Variants in ZRANB3 observed in about 807,000 individuals in gnomAD.
ZRANB3 encodes the protein DNA annealing helicase and endonuclease ZRANB3.
In ZRANB3, 125 loss-of-function variants were observed where a neutral mutation model predicts 133.8. The ratio of observed to expected loss-of-function variants is 0.93; its 90% CI spans 0.81 to 1.08. The LOEUF (loss-of-function observed/expected upper bound fraction) is 1.08, where lower values mean the gene tolerates loss of function less well. Among genes scored for constraint, ZRANB3 ranks in the 50% least tolerant of loss-of-function variants. The pLI is 0.00. For synonymous variants in ZRANB3, 387 were observed against 432.7 expected (o/e 0.89, Z 1.31); for missense variants, 1,229 against 1,275.5 (o/e 0.96, Z 0.56).
At chr2:135,401,009 G>T (rs1250437042) in intron 2 of ZRANB3, among the ~76,000 whole-genome samples, 3 of 152,026 alleles carry the variant, frequency 2.0e-5, no homozygotes, top group Non-Finnish European at 4.4e-5. Context: ...TTAAAATCAG[G>T]CCTATGTATA....
At chr2:135,506,903 T>A (rs927762136) in intron 1 of ZRANB3, among the ~76,000 whole-genome samples, 1 of 152,192 alleles carries the variant, frequency 6.6e-6, no homozygotes, top group Non-Finnish European at 1.5e-5. Flanking sequence ...GTCAGTTCTG[T>A]CTGAATAAGG....
At chr2:135,387,837 G>A (rs1280611679) in intron 3 of ZRANB3, among the ~76,000 whole-genome samples, 4 of 152,190 alleles carry the variant, frequency 2.6e-5, no homozygotes, top group Non-Finnish European at 5.9e-5. Flanking sequence ...TCAGCCAAAT[G>A]TGAAAAGTGC....
chr2:135,373,322 A>T (rs1473230643), intron 3 of ZRANB3, among the ~76,000 whole-genome samples: 1 of 152,206 alleles, frequency 6.6e-6, no homozygotes, highest in Non-Finnish European at 1.5e-5. Context: ...CTACAGCAGA[A>T]GTGAGAGCAG....
chr2:135,466,382 C>CAAAAAAAAAAAAA (rs553890734), intron 2 of ZRANB3, among the ~76,000 whole-genome samples: 2 of 28,212 alleles, frequency 7.1e-5, no homozygotes, highest in Non-Finnish European at 1.3e-4. Context: ...GACTCCGTCA[C>CAAAAAAAAAAAAA]AAAAAAAAAA....
intron 2 of ZRANB3, among the ~76,000 whole-genome samples, chr2:135,446,560 A>AT (rs1368951387): frequency 6.6e-6 from 1 of 152,254 alleles, no homozygotes; most frequent in Non-Finnish European, 1.5e-5. Flanking sequence ...TCCAACCACC[A>AT]TTAGAAGTAC....
intron 7 of ZRANB3, among the ~76,000 whole-genome samples, 172 bp from the exon 8 acceptor site, chr2:135,313,777 C>G (rs1190230556): frequency 9.2e-5 from 14 of 152,162 alleles, no homozygotes; most frequent in Non-Finnish European, 2.1e-4. Flanking sequence ...AGAGGTAGGT[C>G]AGTCACATTT....
intron 12 of ZRANB3, among the ~76,000 whole-genome samples, chr2:135,252,179 A>G (rs1046179762): frequency 2.6e-5 from 4 of 152,204 alleles, no homozygotes; most frequent in African/African-American, 7.2e-5. Flanking sequence ...AACAACAGAT[A>G]CTAGGGTCTA....
chr2:135,359,796 G>A (rs1029985541), intron 3 of ZRANB3, among the ~76,000 whole-genome samples: 16 of 152,040 alleles, frequency 1.1e-4, no homozygotes, highest in East Asian at 7.7e-4. Flanking sequence ...TTAGTTTAAA[G>A]ATTATGTAGT....
chr2:135,368,352 GA>G (rs896882412), intron 3 of ZRANB3, among the ~76,000 whole-genome samples: 1 of 151,884 alleles, frequency 6.6e-6, no homozygotes, highest in African/African-American at 2.4e-5. Context: ...AATAAATAAT[GA>G]AAGTTAGTTT....
chr2:135,372,697 G>A (rs1386952310), intron 3 of ZRANB3, among the ~76,000 whole-genome samples: 1 of 150,774 alleles, frequency 6.6e-6, no homozygotes, highest in Non-Finnish European at 1.5e-5. Flanking sequence ...TGAGGCAGGA[G>A]AATGGTGTGA....
At chr2:135,497,183 T>C (rs949443111) in intron 2 of ZRANB3, among the ~76,000 whole-genome samples, 2 of 152,190 alleles carry the variant, frequency 1.3e-5, no homozygotes, top group South Asian at 2.1e-4. Flanking sequence ...AACTGATCTA[T>C]AGATGCAGTA....
chr2:135,335,077 C>T (rs1684310213), intron 6 of ZRANB3, among the ~76,000 whole-genome samples: 1 of 152,064 alleles, frequency 6.6e-6, no homozygotes, highest in Non-Finnish European at 1.5e-5. Context: ...TCCTGATGCT[C>T]TCCCTTGAGA....
rs368457700 is a variant in ZRANB3, at chr2:135,527,402, T to C, written c.-8+3725A>G. Among the ~76,000 whole-genome samples the C allele has an allele frequency of 4.6e-5, 7 of 151,960 alleles. No homozygotes were observed. In the East Asian group the frequency reaches 9.7e-4, roughly 21 times the overall value. ...GGTGAAACCCCATCTCTATTAAAAATACAAAAGTTAGCCAGGCATGATGGT... is the reference window on the plus strand; with the variant it reads ...GGTGAAACCCCATCTCTATTAAAAACACAAAAGTTAGCCAGGCATGATGGT... On this transcript the variant is annotated intron_variant, in intron 1 of 20. Transcript: ENST00000264159.
chr2:135,455,491 T>C (rs1362502246), intron 2 of ZRANB3, among the ~76,000 whole-genome samples: 1 of 147,476 alleles, frequency 6.8e-6, no homozygotes, highest in African/African-American at 2.5e-5. Flanking sequence ...GCCGGCCGAC[T>C]TCTTACACTT....
chr2:135,264,269 G>A (rs557940140), intron 12 of ZRANB3, among the ~76,000 whole-genome samples: 4 of 151,358 alleles, frequency 2.6e-5, no homozygotes, highest in African/African-American at 9.7e-5. Context: ...TCAGGAGTTC[G>A]AGACCAGCCT....
intron 12 of ZRANB3, among the ~76,000 whole-genome samples, chr2:135,237,014 T>C (rs767508717): frequency 0.062 from 9,366 of 151,924 alleles, 570 homozygotes; most frequent in African/African-American, 0.16. Context: ...ACCTACAGAA[T>C]GGGAGAAAAT....
intron 2 of ZRANB3, among the ~76,000 whole-genome samples, chr2:135,503,434 T>C (rs1465072403): frequency 6.6e-6 from 1 of 152,226 alleles, no homozygotes; most frequent in Non-Finnish European, 1.5e-5. Flanking sequence ...TTGTATGTTT[T>C]TTAAACTGTT....
chr2:135,485,168 C>A (rs558040134), intron 2 of ZRANB3, among the ~76,000 whole-genome samples: 14 of 148,206 alleles, frequency 9.4e-5, no homozygotes, highest in African/African-American at 3.6e-4. Flanking sequence ...CAAAACAAAA[C>A]AAAACAAAAC....
At chr2:135,333,464 T>C (rs1684240403) in intron 6 of ZRANB3, among the ~76,000 whole-genome samples, 1 of 152,234 alleles carries the variant, frequency 6.6e-6, no homozygotes, top group African/African-American at 2.4e-5. Context: ...GATTAAAAAC[T>C]ACATACAGTC....
Sources: allele counts gnomAD v4.1 joint callset (sites outside exome capture counted in the v4.1 genomes callset), GRCh38; gene constraint gnomAD v4.1.1; transcripts MANE v1.5; gene names NCBI Gene and HGNC (gene_info 2026-07-23, HGNC 2026-07-21).